Variants in SYCP2L observed in about 807,000 individuals in gnomAD.
SYCP2L encodes the protein synaptonemal complex protein 2-like.
A neutral mutation model predicts 125.8 loss-of-function variants in SYCP2L; 98 were observed. That is an observed-to-expected ratio of 0.78 (90% CI 0.66 to 0.92). SYCP2L has a LOEUF of 0.92. Ranked by LOEUF, SYCP2L falls within the 40% of genes least tolerant of loss-of-function variation. SYCP2L has a pLI of 0.00. For synonymous variants in SYCP2L, 317 were observed against 325.4 expected (o/e 0.97, Z 0.28); for missense variants, 842 against 936.4 (o/e 0.90, Z 1.32).
At chr6:10,971,747 C>T (rs1392347403) in intron 29 of SYCP2L, among the ~76,000 whole-genome samples, 1 of 152,062 alleles carries the variant, frequency 6.6e-6, no homozygotes, top group Non-Finnish European at 1.5e-5. Context: ...TGCAGTGGCA[C>T]GATCTTAGCT....
intron 25 of SYCP2L, among the ~76,000 whole-genome samples, chr6:10,957,779 T>G (rs529190147): frequency 2.4e-4 from 36 of 152,330 alleles, no homozygotes; most frequent in African/African-American, 8.2e-4. Context: ...ATCATGCCGC[T>G]GTGCTCCAGC....
chr6:10,974,227 T>A lies in SYCP2L; in HGVS notation c.*313T>A, dbSNP rs1341411846. The stretch of plus-strand genomic sequence containing the variant: ...TTGGAGTGGTGTTGCTTTTTTTTTA[T>A]AAAAGTAAAATGGACTTTTTTTTGT... On this transcript the variant is annotated 3_prime_UTR_variant, in exon 30 of 30. Coordinates refer to ENST00000283141, the MANE Select transcript of SYCP2L (RefSeq NM_001040274.3). The A allele has an allele frequency of 2.7e-5, 4 of 150,168 alleles. No homozygotes were observed. Among genetic ancestry groups the A allele is most frequent in the African/African-American group, 9.8e-5 (4 of 40,746 alleles). 9.3% of individuals were successfully genotyped at this position (150,168 alleles called of 1,614,324 possible).
chr6:10,921,972 C>T (rs1480599373), intron 14 of SYCP2L, among the ~76,000 whole-genome samples: 2 of 152,164 alleles, frequency 1.3e-5, no homozygotes, highest in African/African-American at 2.4e-5. Context: ...TCCCAAAGTG[C>T]TGGATTACAG....
intron 24 of SYCP2L, 48 bp downstream of exon 24, chr6:10,955,265 G>A: frequency 8.4e-7 from 1 of 1,192,098 alleles, no homozygotes; most frequent in Non-Finnish European, 1.3e-6. Context: ...TGGGATAAAT[G>A]GGTCAGCACA....
chr6:10,948,648 A>G (rs914583698), intron 23 of SYCP2L, among the ~76,000 whole-genome samples: 2 of 152,002 alleles, frequency 1.3e-5, no homozygotes, highest in African/African-American at 4.8e-5. Flanking sequence ...TTACATCTAC[A>G]CTCATGAGTG....
chr6:10,914,115 G>A (rs1487316004), intron 14 of SYCP2L, among the ~76,000 whole-genome samples: 1 of 152,124 alleles, frequency 6.6e-6, no homozygotes, highest in Non-Finnish European at 1.5e-5. Context: ...TTACATGTGT[G>A]AGCCACCGTG....
chr6:10,902,994 A>G (rs1159178846), intron 8 of SYCP2L, 31 bp downstream of exon 8: 2 of 1,573,340 alleles, frequency 1.3e-6, no homozygotes, highest in South Asian at 2.2e-5. Context: ...TACGTGCTGT[A>G]GTAAGGGTAA....
At chr6:10,934,054 G>GAGT (rs1170572429) in intron 20 of SYCP2L, among the ~76,000 whole-genome samples, 1 of 152,180 alleles carries the variant, frequency 6.6e-6, no homozygotes, top group Non-Finnish European at 1.5e-5. Context: ...ATGTTTAAAT[G>GAGT]AGTAGTCGCT....
chr6:10,944,516 T>A (rs80198948), intron 23 of SYCP2L, among the ~76,000 whole-genome samples: 3,652 of 152,194 alleles, frequency 0.024, 149 homozygotes, highest in East Asian at 0.2. Flanking sequence ...ATCAAAGCTT[T>A]TAATTTTAAT....
chr6:10,960,532 CAA>C (rs530874292), intron 26 of SYCP2L, among the ~76,000 whole-genome samples: 1 of 152,196 alleles, frequency 6.6e-6, no homozygotes, highest in South Asian at 2.1e-4. Context: ...AGAAAATTAA[CAA>C]ATAAGCAAAT....
rs1178639095 is a variant in SYCP2L, at chr6:10,955,202, GAA to G, written c.2043_2044del (p.Glu683ValfsTer27). ...APGSPFSITE[E>X]RELPEGISTS... ...GGGATCCCCTTTCTCAATAACAGAA[GAA>G]AGAGAGTTGCCAGGTAACATCATGC... On this transcript the variant is annotated frameshift_variant, in exon 24 of 30. Transcript: ENST00000283141. LOFTEE classifies it high-confidence loss of function. 4.4e-5 allele frequency: 71 copies of G among 1,611,102 alleles called. No individual in the cohort carries two copies. Among genetic ancestry groups the G allele is most frequent in the Non-Finnish European group, 5.9e-5 (70 of 1,177,356 alleles).
chr6:10,925,204 G>A (rs900183864), intron 15 of SYCP2L, among the ~76,000 whole-genome samples: 1 of 152,140 alleles, frequency 6.6e-6, no homozygotes, highest in Non-Finnish European at 1.5e-5. Flanking sequence ...ATCAGATCTT[G>A]TGAGACTTAC....
rs1296750314 is a variant in SYCP2L, at chr6:10,947,262, T to C, written c.1954+4516T>C. 1.8e-4 allele frequency among the ~76,000 whole-genome samples: 28 copies of C among 152,068 alleles called. 1 individual carries two copies. Among genetic ancestry groups the C allele is most frequent in the Admixed American group, 1.8e-3 (28 of 15,264 alleles). ...TCCTCTTTTTCAAAGTTGACTTTAG[T>C]TGTTCAAGGGACTTCTTATTTTTTC... On this transcript the variant is annotated intron_variant, in intron 23 of 29. Transcript: ENST00000283141.
chr6:10,963,131 T>G (rs1235576660), intron 28 of SYCP2L, among the ~76,000 whole-genome samples: 1 of 152,244 alleles, frequency 6.6e-6, no homozygotes, highest in Non-Finnish European at 1.5e-5. Flanking sequence ...ACTATTTGCA[T>G]TCATCTCCCT....
chr6:10,935,885 G>A (rs957563546), intron 21 of SYCP2L, among the ~76,000 whole-genome samples: 1 of 152,186 alleles, frequency 6.6e-6, no homozygotes, highest in Non-Finnish European at 1.5e-5. Context: ...TGGGGTGGCT[G>A]TCTTTCCATA....
intron 1 of SYCP2L, among the ~76,000 whole-genome samples, chr6:10,889,011 G>T (rs1780131520): frequency 6.6e-6 from 1 of 152,062 alleles, no homozygotes; most frequent in Admixed American, 6.6e-5. Context: ...ACAGTCACGT[G>T]CCACTGCGCC....
At chr6:10,935,684 G>A (rs1328393434) in intron 21 of SYCP2L, among the ~76,000 whole-genome samples, 7 of 151,926 alleles carry the variant, frequency 4.6e-5, no homozygotes, top group South Asian at 2.1e-4. Context: ...TAGTTGAGAC[G>A]GAGTTTCACC....
intron 25 of SYCP2L, 129 bp downstream of exon 25, chr6:10,956,371 A>C: frequency 1.4e-6 from 1 of 707,142 alleles, no homozygotes; most frequent in Non-Finnish European, 2.3e-6. Flanking sequence ...GAACTCAGAA[A>C]CAGGGAGGAG....
chr6:10,903,041 A>G (rs1036201294), intron 8 of SYCP2L, 78 bp downstream of exon 8: 9 of 1,165,100 alleles, frequency 7.7e-6, no homozygotes, highest in African/African-American at 7.6e-5. Flanking sequence ...TCTGTGTTCT[A>G]CTTAGACCTG....
Sources: allele counts gnomAD v4.1 joint callset (sites outside exome capture counted in the v4.1 genomes callset), GRCh38; gene constraint gnomAD v4.1.1; transcripts MANE v1.5; gene names NCBI Gene and HGNC (gene_info 2026-07-23, HGNC 2026-07-21).